The following TRPM7 variants were observed in gnomAD, a reference collection of about 807,000 sequenced individuals.
TRPM7 encodes LTRPC ion channel family member 7.
In TRPM7, 134 loss-of-function variants were observed where a neutral mutation model predicts 229.7. The ratio of observed to expected loss-of-function variants is 0.58; its 90% confidence interval spans 0.51 to 0.67. The LOEUF is 0.67. Among genes scored for constraint, TRPM7 ranks in the 30% least tolerant of loss-of-function variants. The pLI, the probability that TRPM7 is intolerant of heterozygous loss-of-function variation, is 0.00. For synonymous variants in TRPM7, 699 were observed against 715.2 expected, an observed-to-expected ratio of 0.98 and a Z score of 0.36; for missense variants, 1,901 against 2,210.0, an observed-to-expected ratio of 0.86 and a Z score of 2.80.
chr15:50,583,083 A>G lies in TRPM7; in HGVS notation c.4557+6T>C, dbSNP rs1298513448. The G allele has an allele frequency of 6.3e-7, 1 of 1,588,328 alleles. No individual in the cohort carries two copies. Among genetic ancestry groups the G allele is most frequent in the East Asian group, 2.3e-5 (1 of 44,202 alleles). On this transcript the variant is annotated splice_donor_region_variant and intron_variant, in intron 29 of 38. Coordinates refer to ENST00000646667, the MANE Select transcript of TRPM7 (RefSeq NM_017672.6). ...ATATATATCTGTTTAGTTGAAATCT[A>G]CAAACCGGTATTAAAGCTGCTTTGG...
chr15:50,655,623 C>T (rs2061545258), intron 3 of TRPM7, among the ~76,000 whole-genome samples: 1 of 151,892 alleles, frequency 6.6e-6, no homozygotes, highest in Non-Finnish European at 1.5e-5. Flanking sequence ...AGACCCATTC[C>T]ACACAGGAAG....
In TRPM7 at chr15:50,575,083, A is replaced by G; in HGVS notation, c.4788T>C (p.Asn1596=). Residue 1596 remains asparagine, a synonymous_variant, in exon 34 of 39, where the codon AAT becomes AAC. Transcript: ENST00000646667. ...GTTGTGACCAAGAAGACATGCTGTT[A>G]TTTAGTATGTTGGGTGAACTCTCTT... ...RLEESSPNIL[N]NSMSSWSQLG... 2.5e-6 allele frequency: 4 copies of G among 1,613,994 alleles called. No homozygotes were observed. Among genetic ancestry groups the G allele is most frequent in the Non-Finnish European group, 2.5e-6 (3 of 1,179,862 alleles).
intron 3 of TRPM7, among the ~76,000 whole-genome samples, chr15:50,650,406 C>G (rs2061390716): frequency 1.3e-5 from 2 of 151,678 alleles, no homozygotes; most frequent in Non-Finnish European, 2.9e-5. Context: ...TAAATTAGAC[C>G]TAGACAGACC....
At chr15:50,570,568 C>T (rs562796781) in intron 36 of TRPM7, among the ~76,000 whole-genome samples, 46 of 151,272 alleles carry the variant, frequency 3.0e-4, no homozygotes, top group African/African-American at 9.7e-4. Context: ...ATTGGCCAGG[C>T]GCAGTGGCTC....
chr15:50,605,259 T>C (rs781223438), intron 20 of TRPM7, 115 bp from the exon 21 acceptor site: 33 of 974,238 alleles, frequency 3.4e-5, no homozygotes, highest in Non-Finnish European at 4.6e-5. Context: ...TTTATTAACT[T>C]ATTTATTTTG....
chr15:50,676,278 T>A (rs901082434), intron 1 of TRPM7, among the ~76,000 whole-genome samples: 25 of 152,214 alleles, frequency 1.6e-4, no homozygotes, highest in Admixed American at 6.5e-5. Context: ...AAAATTCTGC[T>A]GTTAAGGTAA....
intron 3 of TRPM7, 65 bp downstream of exon 3, chr15:50,657,716 T>C: frequency 1.4e-6 from 2 of 1,399,858 alleles, no homozygotes; most frequent in Admixed American, 1.8e-5. Context: ...TTCTAACTCA[T>C]ATTTCTAATA....
At chr15:50,679,020 C>T (rs569166306) in intron 1 of TRPM7, among the ~76,000 whole-genome samples, 14 of 152,160 alleles carry the variant, frequency 9.2e-5, no homozygotes, top group African/African-American at 2.7e-4. Context: ...ACTACAGGTG[C>T]GTGCCACCAC....
intron 1 of TRPM7, among the ~76,000 whole-genome samples, chr15:50,667,677 A>G (rs759401080): frequency 2.0e-5 from 3 of 152,230 alleles, no homozygotes; most frequent in Non-Finnish European, 4.4e-5. Context: ...ACTGCACTCC[A>G]GCCTGGGCAA....
chr15:50,566,026 T>C (rs2053582990), intron 38 of TRPM7, among the ~76,000 whole-genome samples: 1 of 152,038 alleles, frequency 6.6e-6, no homozygotes, highest in South Asian at 2.1e-4. Flanking sequence ...GGTTTCACTA[T>C]GTTGGCCAGG....
intron 7 of TRPM7, among the ~76,000 whole-genome samples, chr15:50,635,470 T>C (rs1195014453): frequency 6.6e-6 from 1 of 151,342 alleles, no homozygotes; most frequent in African/African-American, 2.4e-5. Flanking sequence ...GAGACCTTCC[T>C]GGCTAACATG....
chr15:50,641,812 C>G (rs576012380), intron 5 of TRPM7, among the ~76,000 whole-genome samples: 3 of 152,150 alleles, frequency 2.0e-5, no homozygotes, highest in East Asian at 3.9e-4. Context: ...CCAGCTTGAC[C>G]AACATAGTGA....
At chr15:50,575,315 C>A (rs2054080129) in intron 33 of TRPM7, among the ~76,000 whole-genome samples, 180 bp from the exon 34 acceptor site, 1 of 152,132 alleles carries the variant, frequency 6.6e-6, no homozygotes, top group African/African-American at 2.4e-5. Flanking sequence ...TTCATAATAT[C>A]TTTGAATTCA....
chr15:50,591,214 T>C (rs2140356368), intron 26 of TRPM7, among the ~76,000 whole-genome samples: 1 of 152,294 alleles, frequency 6.6e-6, no homozygotes, highest in East Asian at 1.9e-4. Context: ...ATATAATTAT[T>C]AATAGTGCAC....
rs1437017069 is a variant in TRPM7, at chr15:50,678,537, T to C, written c.3+7994A>G. Among the ~76,000 whole-genome samples the C allele has an allele frequency of 2.1e-3, 299 of 143,988 alleles. 2 individuals are homozygous for C. Among genetic ancestry groups the C allele is most frequent in the African/African-American group, 7.3e-3 (282 of 38,506 alleles). The allele number at this position is 143,988 out of a possible 152,430, so 94.5% of individuals were successfully genotyped here. A position where few individuals can be genotyped will look rare whatever the true frequency, so the allele number is the denominator to read the frequency against. On this transcript the variant is annotated intron_variant, in intron 1 of 38. Coordinates refer to ENST00000646667, the MANE Select transcript of TRPM7 (RefSeq NM_017672.6). ...AAAAAAATATATATATATATATATA[T>C]ATATACACACACACACACATATACA... is the stretch of plus-strand genomic sequence containing the variant.
chr15:50,608,516 A>T (rs764275238), intron 19 of TRPM7, among the ~76,000 whole-genome samples: 1 of 152,248 alleles, frequency 6.6e-6, no homozygotes, highest in African/African-American at 2.4e-5. Flanking sequence ...TAACGCAGCC[A>T]TTCACATGAA....
Position 50,643,410 on chromosome 15 carries a change from C to A in TRPM7, c.465G>T (p.Leu155Phe), listed in dbSNP as rs770747650. The change falls in exon 5 of 39, where the codon TTG becomes TTT. Residue 155 changes from leucine (L) to phenylalanine (F), a missense_variant. Physicochemically the swap from Leu to Phe is conservative, Grantham distance 22 (BLOSUM62 0). Around this residue, in one of 8 missense-constraint regions of TRPM7, gnomAD observed 794 missense variants for 881.9 expected, o/e 0.90. Transcript: ENST00000646667. ...KFELHPRIKQ[L>F]LGKGLIKAAV... ...CAGCTTTAATAAGACCTTTTCCAAG[C>A]AACTGCTTGATTCGTGGGTGAAGCT... is the stretch of plus-strand genomic sequence containing the variant. The A allele has an allele frequency of 2.5e-6, 4 of 1,614,046 alleles. No homozygotes were observed. In the African/African-American group the frequency reaches 5.3e-5, roughly 22 times the overall value.
chr15:50,638,878 A>C (rs2061003379), intron 6 of TRPM7, among the ~76,000 whole-genome samples: 1 of 151,994 alleles, frequency 6.6e-6, no homozygotes, highest in African/African-American at 2.4e-5. Context: ...ACGGGGTTTC[A>C]CCATGTTGGC....
At chr15:50,576,036 A>G in intron 31 of TRPM7, 117 bp from the exon 32 acceptor site, 1 of 1,022,348 alleles carries the variant, frequency 9.8e-7, no homozygotes, top group Non-Finnish European at 1.4e-6. Flanking sequence ...GTTCCTCACA[A>G]AAACAGAAAA....
Sources: allele counts gnomAD v4.1 joint callset (sites outside exome capture counted in the v4.1 genomes callset), GRCh38; gene constraint gnomAD v4.1.1; regional missense constraint gnomAD v4.1.1; transcripts MANE v1.5; gene names NCBI Gene and HGNC (gene_info 2026-07-23, HGNC 2026-07-21).